Variants in GNG7 observed in about 807,000 individuals in gnomAD.
GNG7 encodes G protein subunit gamma 7.
Under a neutral mutation model 4.0 loss-of-function variants are expected in GNG7, and 1 was observed. That is an observed-to-expected ratio of 0.25 (90% CI 0.09 to 1.18). The LOEUF is 1.18. Among genes scored for constraint, GNG7 ranks in the 50% most tolerant of loss-of-function variants. The pLI, the probability that GNG7 is intolerant of heterozygous loss-of-function variation, is 0.50. For synonymous variants in GNG7, 34 were observed against 36.9 expected (o/e 0.92, Z 0.29); for missense variants, 86 against 91.9 (o/e 0.94, Z 0.26).
intron 2 of GNG7, among the ~76,000 whole-genome samples, chr19:2,638,011 T>C (rs1982362464): frequency 6.6e-6 from 1 of 152,044 alleles, no homozygotes; most frequent in South Asian, 2.1e-4. Flanking sequence ...ATTTACACCA[T>C]CTGCCCCATC....
chr19:2,563,715 C>A (rs2144772035), intron 2 of GNG7, among the ~76,000 whole-genome samples: 1 of 152,210 alleles, frequency 6.6e-6, no homozygotes, highest in Middle Eastern at 3.4e-3. Context: ...CTCCTGACCT[C>A]AAGTGATCTG....
At chr19:2,668,457 T>C (rs1599452442) in intron 1 of GNG7, among the ~76,000 whole-genome samples, 1 of 151,966 alleles carries the variant, frequency 6.6e-6, no homozygotes, top group Non-Finnish European at 1.5e-5. Context: ...GGCTGGGCGG[T>C]TGGTCTTGTC....
At chr19:2,664,520 C>G (rs1262548284) in intron 1 of GNG7, among the ~76,000 whole-genome samples, 1 of 152,058 alleles carries the variant, frequency 6.6e-6, no homozygotes, top group African/African-American at 2.4e-5. Context: ...AAGGGGCAGG[C>G]CTGCTTGACC....
intron 1 of GNG7, among the ~76,000 whole-genome samples, chr19:2,681,211 T>C (rs1038356065): frequency 6.6e-6 from 1 of 151,812 alleles, no homozygotes; most frequent in African/African-American, 2.4e-5. Context: ...TGAGACGGAG[T>C]CTTGCTCTGT....
Position 2,569,441 on chromosome 19 carries a change from A to T in GNG7, c.-77-14253T>A, listed in dbSNP as rs538515185. ...CAGGCGCCCGCCACCACACCCGGCT[A>T]ATTTTTTGTATTTTTAGTAGAGACG... On this transcript the variant is annotated intron_variant, in intron 2 of 4. Transcript: ENST00000382159. Among the ~76,000 whole-genome samples the T allele has an allele frequency of 2.0e-5, 3 of 152,170 alleles. No individual in the cohort carries two copies. The East Asian group carries it at 5.8e-4, about 29-fold the overall frequency.
chr19:2,535,145 T>C (rs1473263961), intron 3 of GNG7, among the ~76,000 whole-genome samples: 1 of 152,126 alleles, frequency 6.6e-6, no homozygotes, highest in East Asian at 1.9e-4. Context: ...GTAGTATTTA[T>C]AATTTGATAT....
intron 2 of GNG7, among the ~76,000 whole-genome samples, chr19:2,624,265 C>T (rs899578633): frequency 6.6e-6 from 1 of 151,736 alleles, no homozygotes; most frequent in African/African-American, 2.4e-5. Flanking sequence ...CGCGGTGGCT[C>T]ACGCCTGTAA....
intron 1 of GNG7, among the ~76,000 whole-genome samples, chr19:2,655,990 A>C (rs1366496100): frequency 6.8e-6 from 1 of 146,008 alleles, no homozygotes; most frequent in Non-Finnish European, 1.5e-5. Context: ...GTGCCACTGC[A>C]CTCCAGCCCG....
At chr19:2,560,695 G>T (rs980782677) in intron 2 of GNG7, among the ~76,000 whole-genome samples, 1 of 152,084 alleles carries the variant, frequency 6.6e-6, no homozygotes, top group Non-Finnish European at 1.5e-5. Flanking sequence ...GGTGGCTCAC[G>T]CCTGTCATCC....
chr19:2,622,664 G>A (rs1981912044), intron 2 of GNG7, among the ~76,000 whole-genome samples: 1 of 139,044 alleles, frequency 7.2e-6, no homozygotes, highest in Non-Finnish European at 1.5e-5. Flanking sequence ...GGAACCCAAC[G>A]CGAGCAACGC....
At chr19:2,559,089 C>A (rs944441752) in intron 2 of GNG7, among the ~76,000 whole-genome samples, 3 of 151,928 alleles carry the variant, frequency 2.0e-5, no homozygotes, top group African/African-American at 4.8e-5. Context: ...CGTGAGCCAT[C>A]GCGCCCAGCC....
At chr19:2,554,559 A>ATATATATATATTTTT (rs1196558078) in intron 3 of GNG7, among the ~76,000 whole-genome samples, 2 of 130,116 alleles carry the variant, frequency 1.5e-5, no homozygotes, top group African/African-American at 5.6e-5. Flanking sequence ...ATATATATAT[A>ATATATATATATTTTT]TTTTTTTTTT....
chr19:2,571,819 C>T (rs566438301), intron 2 of GNG7, among the ~76,000 whole-genome samples: 17 of 151,906 alleles, frequency 1.1e-4, no homozygotes, highest in Middle Eastern at 3.4e-3. Flanking sequence ...TGGTCTCGAA[C>T]TCCTGACCTC....
In GNG7 at chr19:2,512,984, G is replaced by A; in HGVS notation, c.*2038C>T. 1.0e-6 allele frequency: 1 copy of A among 985,448 alleles called. No individual in the cohort carries two copies. The highest frequency in any genetic ancestry group is 1.2e-6 in the Non-Finnish European group (1 of 829,940). The allele number at this position is 985,448 out of a possible 1,614,324, so 61.0% of individuals were successfully genotyped here. ...CCGGGAGCCTCTGGGGCTCTCCCGGGCCAACAGCAGGTTTGGCGGGTAGGG... is the reference window on the plus strand; with the variant it reads ...CCGGGAGCCTCTGGGGCTCTCCCGGACCAACAGCAGGTTTGGCGGGTAGGG... On this transcript the variant is annotated 3_prime_UTR_variant, in exon 5 of 5. Transcript: ENST00000382159. This position sits in a 1 kb window ranked among gnomAD's most constrained non-coding sequence, Gnocchi z 4.7.
chr19:2,609,941 G>A lies in GNG7; in HGVS notation c.-78+36283C>T, dbSNP rs983198621. ...AAGCAGGAGAGCGTGCACCTTAAAC[G>A]GCCAAGGTCCGTCACTACCACCGAG... is the stretch of plus-strand genomic sequence containing the variant. On this transcript the variant is annotated intron_variant, in intron 2 of 4. Coordinates refer to ENST00000382159, the MANE Select transcript of GNG7 (RefSeq NM_052847.3). This position sits in a 1 kb window ranked among gnomAD's most constrained non-coding sequence, Gnocchi z 4.4. 3.3e-5 allele frequency among the ~76,000 whole-genome samples: 5 copies of A among 151,860 alleles called. No homozygotes were observed. The highest frequency in any genetic ancestry group is 9.7e-5 in the African/African-American group (4 of 41,310).
At chr19:2,563,054 C>T (rs1979794712) in intron 2 of GNG7, among the ~76,000 whole-genome samples, 2 of 152,074 alleles carry the variant, frequency 1.3e-5, no homozygotes, top group Admixed American at 1.3e-4. Flanking sequence ...ACGCCATTCT[C>T]CTGCCTCAGC....
At chr19:2,572,126 A>G (rs1368688862) in intron 2 of GNG7, among the ~76,000 whole-genome samples, 1 of 151,612 alleles carries the variant, frequency 6.6e-6, no homozygotes, top group Non-Finnish European at 1.5e-5. Flanking sequence ...AGCTCAAGCG[A>G]TCCTCCCAGC....
intron 1 of GNG7, among the ~76,000 whole-genome samples, chr19:2,695,682 CCAT>C (rs1417093199): frequency 6.6e-6 from 1 of 151,862 alleles, no homozygotes; most frequent in East Asian, 1.9e-4. Context: ...AACTGGGGTG[CCAT>C]CATGTGGGTG....
chr19:2,685,054 G>A (rs1429166812), intron 1 of GNG7, among the ~76,000 whole-genome samples: 1 of 152,132 alleles, frequency 6.6e-6, no homozygotes, highest in Non-Finnish European at 1.5e-5. Context: ...AACCCAGGAG[G>A]CAGAGGTTGC....
Sources: gnomAD v4.1 joint callset for allele counts (sites outside exome capture counted in the v4.1 genomes callset) on GRCh38, gnomAD v4.1.1 for gene constraint, Gnocchi (gnomAD v3.1) non-coding constraint, MANE v1.5 for transcripts, NCBI Gene and HGNC (gene_info 2026-07-23, HGNC 2026-07-21) for gene names.